The following TNPO3 variants were observed in gnomAD, a reference collection of about 807,000 sequenced individuals.
TNPO3 encodes transportin 3.
TNPO3 carries 65 observed loss-of-function variants against 122.8 expected under a neutral mutation model. That is an observed-to-expected ratio of 0.53 (90% CI 0.43 to 0.65). The LOEUF (loss-of-function observed/expected upper bound fraction) is 0.65, where lower values mean the gene tolerates loss of function less well. Among genes scored for constraint, TNPO3 ranks in the 30% least tolerant of loss-of-function variants. The pLI, the probability that TNPO3 is intolerant of heterozygous loss-of-function variation, is 0.00. For missense variants in TNPO3, 850 were observed against 1,136.7 expected (o/e 0.75, Z 3.63); for synonymous variants, 372 against 411.2 (o/e 0.90, Z 1.15).
At chr7:129,026,986 G>A (rs1319679539) in intron 1 of TNPO3, among the ~76,000 whole-genome samples, 2 of 151,680 alleles carry the variant, frequency 1.3e-5, no homozygotes, top group South Asian at 4.2e-4. Flanking sequence ...GTAGAGACAG[G>A]TCTTGCTATC....
intron 8 of TNPO3, among the ~76,000 whole-genome samples, chr7:128,994,536 A>G (rs1307617859): frequency 1.3e-5 from 2 of 152,204 alleles, no homozygotes; most frequent in Non-Finnish European, 2.9e-5. Context: ...TGGAAGAAGT[A>G]GTAAATTAAG....
chr7:129,017,821 T>C, intron 2 of TNPO3, 136 bp downstream of exon 2: 1 of 860,860 alleles, frequency 1.2e-6, no homozygotes, highest in East Asian at 2.6e-5. Context: ...TCGTTTTCTA[T>C]CCACTTACAA....
chr7:129,053,394 C>G (rs988363741), intron 1 of TNPO3, among the ~76,000 whole-genome samples: 1 of 149,424 alleles, frequency 6.7e-6, no homozygotes, highest in Non-Finnish European at 1.5e-5. Context: ...ACTCGGGAGG[C>G]TGAGGCAGGA....
intron 1 of TNPO3, among the ~76,000 whole-genome samples, chr7:129,041,259 G>A (rs1807347379): frequency 6.6e-6 from 1 of 152,200 alleles, no homozygotes; most frequent in African/African-American, 2.4e-5. Context: ...CTACTCAGGA[G>A]GCTGAGGCAG....
Position 129,001,116 on chromosome 7 carries a change from C to A in TNPO3, c.815G>T (p.Gly272Val). 1 of 1,614,138 alleles carries A rather than the reference C, an allele frequency of 6.2e-7. No homozygotes were observed. The highest frequency in any genetic ancestry group is 8.5e-7 in the Non-Finnish European group (1 of 1,180,006). The change falls in exon 6 of 23, where the codon GGA (glycine) becomes GTA (valine). Residue 272 changes from glycine to valine, a missense_variant. By Grantham distance (109) the Gly-to-Val change is moderately radical (BLOSUM62 -3). Coordinates refer to ENST00000265388, the MANE Select transcript of TNPO3 (RefSeq NM_012470.4). The part of the protein sequence containing the change: ...NLPLAMQLFQ[G>V]VLTLETAYHM... ...ATAGGCAGTCTCCAATGTCAGCACT[C>A]CCTGAAAAAGTTGCATGGCTAATGG... is the stretch of plus-strand genomic sequence containing the variant.
At chr7:129,036,476 G>A (rs549099291) in intron 1 of TNPO3, among the ~76,000 whole-genome samples, 1 of 152,200 alleles carries the variant, frequency 6.6e-6, no homozygotes, top group South Asian at 2.1e-4. Flanking sequence ...ACCCTTGAAG[G>A]ATCCTAGATT....
Position 128,955,361 on chromosome 7 carries a change from T to A in TNPO3, c.*56A>T, listed in dbSNP as rs1374699759. 2 of 456,506 alleles carry A rather than the reference T, an allele frequency of 4.4e-6. No individual in the cohort carries two copies. The highest frequency in any genetic ancestry group is 3.1e-5 in the South Asian group (2 of 64,542). The allele number at this position is 456,506 out of a possible 1,614,324, so 28.3% of individuals were successfully genotyped here. The stretch of plus-strand genomic sequence containing the variant: ...CACAGTCTGGTTTTTGTTTTCTTCC[T>A]GTCTTCTAATTAAAAAAGACATTCC... On this transcript the variant is annotated 3_prime_UTR_variant, in exon 23 of 23. Coordinates refer to ENST00000265388, the MANE Select transcript of TNPO3 (RefSeq NM_012470.4).
chr7:129,025,274 C>T (rs1277419990), intron 1 of TNPO3, among the ~76,000 whole-genome samples: 6 of 138,710 alleles, frequency 4.3e-5, no homozygotes, highest in African/African-American at 1.1e-4. Context: ...TGCTTGAACC[C>T]GGGAGGCAGA....
chr7:129,004,281 T>C (rs945673864), intron 5 of TNPO3, among the ~76,000 whole-genome samples: 8 of 152,220 alleles, frequency 5.3e-5, no homozygotes, highest in Non-Finnish European at 1.5e-5. Flanking sequence ...CATACTAATA[T>C]ATCTTCATTG....
intron 1 of TNPO3, among the ~76,000 whole-genome samples, chr7:129,032,542 T>C (rs1584585597): frequency 1.3e-5 from 2 of 152,212 alleles, no homozygotes; most frequent in South Asian, 4.1e-4. Context: ...AATTAACAGA[T>C]TAAAATTAGT....
At chr7:128,958,331 G>A (rs1394672414) in intron 21 of TNPO3, among the ~76,000 whole-genome samples, 1 of 151,950 alleles carries the variant, frequency 6.6e-6, no homozygotes, top group Non-Finnish European at 1.5e-5. Context: ...TTTTAGTAGA[G>A]ATGTGGTTTC....
At chr7:128,993,549 G>A (rs1474979530) in intron 9 of TNPO3, among the ~76,000 whole-genome samples, 2 of 152,148 alleles carry the variant, frequency 1.3e-5, no homozygotes, top group African/African-American at 4.8e-5. Context: ...TTCTATTCCA[G>A]CTGTACAAGT....
intron 21 of TNPO3, among the ~76,000 whole-genome samples, chr7:128,959,950 G>T (rs1797279264): frequency 1.3e-5 from 2 of 152,206 alleles, no homozygotes; most frequent in South Asian, 4.2e-4. Context: ...GAACCCAGGG[G>T]GTGGAGGTTG....
intron 14 of TNPO3, among the ~76,000 whole-genome samples, chr7:128,981,086 A>G (rs1245395977): frequency 6.6e-6 from 1 of 152,266 alleles, no homozygotes; most frequent in Non-Finnish European, 1.5e-5. Context: ...AAGTATTTAC[A>G]TCTATTTCAG....
At chr7:129,019,659 G>A (rs1395780656) in intron 1 of TNPO3, among the ~76,000 whole-genome samples, 2 of 151,956 alleles carry the variant, frequency 1.3e-5, no homozygotes, top group African/African-American at 2.4e-5. Flanking sequence ...CACTGGCCTG[G>A]GCAACATGGC....
intron 13 of TNPO3, among the ~76,000 whole-genome samples, chr7:128,983,310 G>T (rs1188707978): frequency 6.6e-6 from 1 of 152,054 alleles, no homozygotes; most frequent in East Asian, 1.9e-4. Flanking sequence ...AGGTTCAAGT[G>T]ATTCTCCCGC....
At chr7:128,986,699 G>T in intron 12 of TNPO3, 30 bp downstream of exon 12, 2 of 1,576,268 alleles carry the variant, frequency 1.3e-6, no homozygotes, top group South Asian at 2.3e-5. Flanking sequence ...GCTTTGAGGT[G>T]ACTATTAGTG....
At chr7:129,024,289 A>G (rs937278251) in intron 1 of TNPO3, among the ~76,000 whole-genome samples, 1 of 152,196 alleles carries the variant, frequency 6.6e-6, no homozygotes, top group Non-Finnish European at 1.5e-5. Flanking sequence ...CCAGGCTTCC[A>G]GTCATTCCCA....
At chr7:129,026,922 A>G (rs1404310697) in intron 1 of TNPO3, among the ~76,000 whole-genome samples, 12 of 152,084 alleles carry the variant, frequency 7.9e-5, no homozygotes, top group Non-Finnish European at 1.8e-4. Context: ...CCTCCTGCAT[A>G]GCTGGGACTA....
Sources: gnomAD v4.1 joint callset for allele counts (sites outside exome capture counted in the v4.1 genomes callset) on GRCh38, gnomAD v4.1.1 for gene constraint, MANE v1.5 for transcripts, NCBI Gene and HGNC (gene_info 2026-07-23, HGNC 2026-07-21) for gene names.